Variants in ARHGEF28 observed in about 807,000 individuals in gnomAD.
The protein encoded by ARHGEF28 is Rho guanine nucleotide exchange factor 28.
ARHGEF28 carries 152 observed loss-of-function variants against 206.6 expected under a neutral mutation model. That is an observed-to-expected ratio of 0.74 (90% CI 0.64 to 0.84). ARHGEF28 has a LOEUF of 0.84. Among genes scored for constraint, ARHGEF28 ranks in the 40% least tolerant of loss-of-function variants. The pLI, the probability that ARHGEF28 is intolerant of heterozygous loss-of-function variation, is 0.00. For synonymous variants in ARHGEF28, 763 were observed against 776.4 expected (o/e 0.98, Z 0.29); for missense variants, 2,028 against 2,073.2 (o/e 0.98, Z 0.42).
intron 22 of ARHGEF28, among the ~76,000 whole-genome samples, chr5:73,881,750 A>G (rs1223589077): frequency 6.6e-6 from 1 of 152,206 alleles, no homozygotes; most frequent in Non-Finnish European, 1.5e-5. Flanking sequence ...AAGTCATTCA[A>G]CTAGTTCTCT....
chr5:73,693,455 G>C (rs571188030), intron 2 of ARHGEF28, among the ~76,000 whole-genome samples: 59 of 152,296 alleles, frequency 3.9e-4, no homozygotes, highest in African/African-American at 1.4e-3. Flanking sequence ...CCTATTAATT[G>C]ATGGTCATTT....
intron 6 of ARHGEF28, chr5:73,778,249 A>G (rs1231456147): frequency 6.6e-6 from 1 of 152,216 alleles, no homozygotes; most frequent in Non-Finnish European, 1.5e-5. Context: ...AGACAGCGGC[A>G]TGGCACTTGG....
intron 4 of ARHGEF28, among the ~76,000 whole-genome samples, chr5:73,759,051 T>C (rs1467603179): frequency 6.6e-6 from 1 of 152,200 alleles, no homozygotes; most frequent in Non-Finnish European, 1.5e-5. Flanking sequence ...ACAGCTGATG[T>C]ATTTAGAGGA....
chr5:73,726,680 T>C (rs1375318864), intron 2 of ARHGEF28, among the ~76,000 whole-genome samples: 1 of 152,230 alleles, frequency 6.6e-6, no homozygotes, highest in African/African-American at 2.4e-5. Flanking sequence ...TGGCAACATA[T>C]CCCAGACAGT....
At chr5:73,717,266 C>T (rs1749639864) in intron 2 of ARHGEF28, among the ~76,000 whole-genome samples, 1 of 152,054 alleles carries the variant, frequency 6.6e-6, no homozygotes, top group Admixed American at 6.6e-5. Flanking sequence ...TAGACTCAAG[C>T]CTGAGGCCTA....
chr5:73,671,633 G>A lies in ARHGEF28; in HGVS notation c.-11-13208G>A, dbSNP rs1266080684. 4.9e-5 allele frequency among the ~76,000 whole-genome samples: 7 copies of A among 144,010 alleles called. No individual in the cohort carries two copies. In the South Asian group the frequency reaches 6.9e-4, roughly 14 times the overall value. The allele number at this position is 144,010 out of a possible 152,430, so 94.5% of individuals were successfully genotyped here. A position where few individuals can be genotyped will look rare whatever the true frequency, so the allele number is the denominator to read the frequency against. On this transcript the variant is annotated intron_variant, in intron 1 of 35. Coordinates refer to ENST00000513042, the MANE Select transcript of ARHGEF28 (RefSeq NM_001177693.2). ...ATGCAGTTGTGAGAAACAATACAGCGATACTTAGGTGTGCCCAAGCAGAGA... is the reference window on the plus strand; with the variant it reads ...ATGCAGTTGTGAGAAACAATACAGCAATACTTAGGTGTGCCCAAGCAGAGA...
chr5:73,755,695 A>G (rs1408764335), intron 4 of ARHGEF28, among the ~76,000 whole-genome samples: 1 of 152,212 alleles, frequency 6.6e-6, no homozygotes, highest in Non-Finnish European at 1.5e-5. Context: ...CATGCTGGGC[A>G]TGCCTGCTCA....
intron 9 of ARHGEF28, among the ~76,000 whole-genome samples, chr5:73,804,799 A>AT (rs1256287064): frequency 6.6e-6 from 1 of 152,196 alleles, no homozygotes; most frequent in African/African-American, 2.4e-5. Flanking sequence ...GGTACATACT[A>AT]TCAATGTTCA....
chr5:73,776,338 A>G (rs1411806325), intron 5 of ARHGEF28, among the ~76,000 whole-genome samples, 178 bp from the exon 6 acceptor site: 1 of 152,242 alleles, frequency 6.6e-6, no homozygotes, highest in Non-Finnish European at 1.5e-5. Flanking sequence ...GTGGAAAAAG[A>G]AAGATGGCTT....
intron 22 of ARHGEF28, among the ~76,000 whole-genome samples, chr5:73,877,687 G>A (rs1331661539): frequency 6.6e-6 from 1 of 150,902 alleles, no homozygotes; most frequent in East Asian, 1.9e-4. Context: ...GTACCCAGTA[G>A]TCATTCAGGA....
At chr5:73,702,780 A>G (rs538035026) in intron 2 of ARHGEF28, among the ~76,000 whole-genome samples, 1 of 152,188 alleles carries the variant, frequency 6.6e-6, no homozygotes, top group Non-Finnish European at 1.5e-5. Context: ...GAGATATTTG[A>G]AATGATTATG....
intron 35 of ARHGEF28, among the ~76,000 whole-genome samples, chr5:73,912,834 G>T (rs1052650353): frequency 2.6e-5 from 4 of 152,190 alleles, no homozygotes; most frequent in African/African-American, 9.7e-5. Flanking sequence ...ATGTTGCTTT[G>T]CTGTGTTGGT....
intron 2 of ARHGEF28, among the ~76,000 whole-genome samples, chr5:73,686,411 G>T (rs1055970747): frequency 6.6e-6 from 1 of 152,108 alleles, no homozygotes; most frequent in Admixed American, 6.6e-5. Context: ...AGACTTACTA[G>T]ATTGTGACCA....
At chr5:73,900,827 T>G in intron 30 of ARHGEF28, 1 of 183,426 alleles carries the variant, frequency 5.5e-6, no homozygotes, top group Non-Finnish European at 1.2e-5. Flanking sequence ...GCACCTGTTT[T>G]AAATTTCACC....
intron 28 of ARHGEF28, among the ~76,000 whole-genome samples, chr5:73,893,852 G>A (rs184409039): frequency 6.6e-6 from 1 of 152,344 alleles, no homozygotes; most frequent in African/African-American, 2.4e-5. Flanking sequence ...AGGGGACTGA[G>A]AATTCCTGGA....
At chr5:73,718,289 T>A (rs910040182) in intron 2 of ARHGEF28, among the ~76,000 whole-genome samples, 1 of 152,246 alleles carries the variant, frequency 6.6e-6, no homozygotes, top group African/African-American at 2.4e-5. Flanking sequence ...TTGATCCTCC[T>A]GATCCCCTGT....
At position 73,771,358 on chromosome 5, in the gene ARHGEF28, G is replaced by T. The variant is rs556243473; in HGVS notation, c.476-2497G>T. 2.6e-5 allele frequency among the ~76,000 whole-genome samples: 4 copies of T among 152,264 alleles called. No individual in the cohort carries two copies. The South Asian group carries it at 8.3e-4, about 32-fold the overall frequency. On this transcript the variant is annotated intron_variant, in intron 4 of 35. Transcript: ENST00000513042. ...AGGAGTTCAAGACCAGACTGGCATGGCCAACATGGTGAAAACCTGTGTCTA... is the reference window on the plus strand; with the variant it reads ...AGGAGTTCAAGACCAGACTGGCATGTCCAACATGGTGAAAACCTGTGTCTA...
intron 7 of ARHGEF28, among the ~76,000 whole-genome samples, chr5:73,782,458 A>G (rs1196234856): frequency 6.6e-6 from 1 of 151,914 alleles, no homozygotes; most frequent in African/African-American, 2.4e-5. Context: ...ACAAAACAAA[A>G]CAAAACAAGA....
At chr5:73,779,148 A>G (rs1580606796) in intron 6 of ARHGEF28, among the ~76,000 whole-genome samples, 1 of 152,214 alleles carries the variant, frequency 6.6e-6, no homozygotes, top group Admixed American at 6.5e-5. Context: ...TTCGCACTAC[A>G]TTTCAATTGA....
Sources: gnomAD v4.1 joint callset for allele counts (sites outside exome capture counted in the v4.1 genomes callset) on GRCh38, gnomAD v4.1.1 for gene constraint, MANE v1.5 for transcripts, NCBI Gene and HGNC (gene_info 2026-07-23, HGNC 2026-07-21) for gene names.